SIPA1L1: variants seen among roughly 807,000 people sequenced by gnomAD.
The protein encoded by SIPA1L1 is signal-induced proliferation-associated 1-like protein 1.
Under a neutral mutation model 162.7 loss-of-function variants are expected in SIPA1L1, and 26 were observed. The ratio of observed to expected loss-of-function variants is 0.16; its 90% CI spans 0.12 to 0.22. SIPA1L1 has a LOEUF of 0.22. Among genes scored for constraint, SIPA1L1 ranks in the 10% least tolerant of loss-of-function variants. The pLI is 1.00. For missense variants in SIPA1L1, 1,874 were observed against 2,241.0 expected, an observed-to-expected ratio of 0.84 and a Z score of 3.31; for synonymous variants, 829 against 837.4, an observed-to-expected ratio of 0.99 and a Z score of 0.17.
intron 2 of SIPA1L1, chr14:71,416,305 A>G (rs1331198424): frequency 6.6e-6 from 1 of 152,182 alleles, no homozygotes; most frequent in Non-Finnish European, 1.5e-5. Flanking sequence ...TCAAGAACTG[A>G]TGGATCTCAT....
chr14:71,415,776 C>T (rs2042715175), intron 2 of SIPA1L1, among the ~76,000 whole-genome samples: 1 of 152,068 alleles, frequency 6.6e-6, no homozygotes. Flanking sequence ...CGGCTCACTG[C>T]AACCTCTAAC....
chr14:71,443,089 A>G (rs150850002), intron 2 of SIPA1L1, among the ~76,000 whole-genome samples: 260 of 152,342 alleles, frequency 1.7e-3, no homozygotes, highest in Non-Finnish European at 2.5e-3. Context: ...TCATGTTGGA[A>G]CCAGTTTACA....
chr14:71,365,907 T>TTTTTTTTTTTTTTTTG (rs71105773), intron 2 of SIPA1L1, among the ~76,000 whole-genome samples: 1 of 140,030 alleles, frequency 7.1e-6, no homozygotes. Context: ...TTTTTTTTTT[T>TTTTTTTTTTTTTTTTG]AAGAGATGGG....
At chr14:71,494,676 G>A (rs998212744) in intron 2 of SIPA1L1, among the ~76,000 whole-genome samples, 12 of 151,820 alleles carry the variant, frequency 7.9e-5, no homozygotes, top group South Asian at 4.1e-4. Flanking sequence ...ATAGGCACAC[G>A]CAACCTCATC....
chr14:71,379,188 A>G (rs2039670442), intron 2 of SIPA1L1, among the ~76,000 whole-genome samples: 1 of 151,498 alleles, frequency 6.6e-6, no homozygotes, highest in Non-Finnish European at 1.5e-5. Flanking sequence ...GACATCTCAT[A>G]TGCTGTTGCC....
At chr14:71,655,751 G>T (rs2043000132) in intron 8 of SIPA1L1, among the ~76,000 whole-genome samples, 2 of 151,972 alleles carry the variant, frequency 1.3e-5, no homozygotes, top group African/African-American at 4.8e-5. Flanking sequence ...ATGTTTGTTG[G>T]CTACGTGTAT....
chr14:71,732,989 G>A (rs1229262669), intron 20 of SIPA1L1, among the ~76,000 whole-genome samples: 1 of 152,188 alleles, frequency 6.6e-6, no homozygotes, highest in Non-Finnish European at 1.5e-5. Flanking sequence ...GAGGCAGGCG[G>A]ATTACGAGGT....
chr14:71,556,075 C>A (rs902835677), intron 4 of SIPA1L1, among the ~76,000 whole-genome samples: 3 of 152,114 alleles, frequency 2.0e-5, no homozygotes, highest in Non-Finnish European at 4.4e-5. Context: ...CAGACTTGCT[C>A]AATGCAGGGT....
At chr14:71,513,798 T>G (rs1330140803) in intron 3 of SIPA1L1, among the ~76,000 whole-genome samples, 3 of 152,068 alleles carry the variant, frequency 2.0e-5, no homozygotes, top group African/African-American at 7.2e-5. Context: ...CTGACTGATT[T>G]CAAGAAAGAA....
Position 71,703,858 on chromosome 14 carries a change from C to A in SIPA1L1, c.3646+1353C>A, listed in dbSNP as rs565674070. Among the ~76,000 whole-genome samples, 83 of 152,296 alleles carry A rather than the reference C, an allele frequency of 5.4e-4. No homozygotes were observed. In the South Asian group the frequency reaches 6.4e-3, roughly 12 times the overall value. Reference sequence around the variant, plus strand: ...GGTTCTTCCTAGACCCCTGTTCATTCTCTCACACAAACCTCCCTCTAGTCT... The same window carrying A: ...GGTTCTTCCTAGACCCCTGTTCATTATCTCACACAAACCTCCCTCTAGTCT... On this transcript the variant is annotated intron_variant, in intron 15 of 23. Coordinates refer to ENST00000381232, the MANE Select transcript of SIPA1L1 (RefSeq NM_001386936.1).
intron 5 of SIPA1L1, among the ~76,000 whole-genome samples, chr14:71,603,557 T>G (rs1281444545): frequency 1.6e-4 from 24 of 152,098 alleles, no homozygotes; most frequent in Non-Finnish European, 3.5e-4. Context: ...CTCCCAGGCT[T>G]TAAGTGATCC....
chr14:71,445,798 C>T (rs2045302149), intron 2 of SIPA1L1, among the ~76,000 whole-genome samples: 1 of 152,100 alleles, frequency 6.6e-6, no homozygotes, highest in Non-Finnish European at 1.5e-5. Context: ...TATTAGGTAA[C>T]TTAACAGAAT....
intron 2 of SIPA1L1, among the ~76,000 whole-genome samples, chr14:71,509,700 C>T (rs1467203026): frequency 4.7e-5 from 7 of 149,364 alleles, no homozygotes; most frequent in Admixed American, 6.7e-5. Flanking sequence ...ACTGAGATCA[C>T]GCCATTGCAC....
At chr14:71,479,349 G>A (rs1567080425) in intron 2 of SIPA1L1, among the ~76,000 whole-genome samples, 1 of 151,458 alleles carries the variant, frequency 6.6e-6, no homozygotes, top group Non-Finnish European at 1.5e-5. Context: ...ATGTATGTAT[G>A]TATGTATGTA....
At chr14:71,615,422 G>C (rs1409189124) in intron 5 of SIPA1L1, among the ~76,000 whole-genome samples, 1 of 152,140 alleles carries the variant, frequency 6.6e-6, no homozygotes, top group Non-Finnish European at 1.5e-5. Flanking sequence ...CTGGCAGGGT[G>C]AATTAAGTTG....
chr14:71,337,667 T>C (rs2140364527), intron 2 of SIPA1L1, among the ~76,000 whole-genome samples: 1 of 152,250 alleles, frequency 6.6e-6, no homozygotes, highest in South Asian at 2.1e-4. Context: ...TTATGGGAGC[T>C]ACAATTCAAG....
At chr14:71,350,444 G>A (rs2036588541) in intron 2 of SIPA1L1, among the ~76,000 whole-genome samples, 1 of 152,114 alleles carries the variant, frequency 6.6e-6, no homozygotes, top group Admixed American at 6.6e-5. Context: ...TATTGCCACT[G>A]ATTGGCCTTA....
intron 4 of SIPA1L1, among the ~76,000 whole-genome samples, chr14:71,534,270 A>C (rs770328433): frequency 4.6e-5 from 7 of 152,204 alleles, no homozygotes; most frequent in Non-Finnish European, 8.8e-5. Flanking sequence ...CATTTGTATA[A>C]ATAATTGGGT....
chr14:71,349,855 G>A (rs747544679), intron 2 of SIPA1L1, among the ~76,000 whole-genome samples: 11 of 152,152 alleles, frequency 7.2e-5, no homozygotes, highest in Non-Finnish European at 1.6e-4. Flanking sequence ...GGAAGCAGAC[G>A]CATTAGTAAG....
Sources: gnomAD v4.1 joint callset for allele counts (sites outside exome capture counted in the v4.1 genomes callset) on GRCh38, gnomAD v4.1.1 for gene constraint, MANE v1.5 for transcripts, NCBI Gene and HGNC (gene_info 2026-07-23, HGNC 2026-07-21) for gene names.